The following SLC8A1 variants were observed in gnomAD, a reference collection of about 807,000 sequenced individuals.
SLC8A1 encodes sodium/calcium exchanger 1.
A neutral mutation model predicts 68.3 loss-of-function variants in SLC8A1; 18 were observed. The ratio of observed to expected loss-of-function variants is 0.26; its 90% CI spans 0.18 to 0.39. The LOEUF (loss-of-function observed/expected upper bound fraction) is 0.39. SLC8A1 is among the 10% of genes least tolerant of loss of function. The pLI is 1.00. For missense variants in SLC8A1, 985 were observed against 1,156.7 expected, an observed-to-expected ratio of 0.85 and a Z score of 2.15; for synonymous variants, 475 against 415.5, an observed-to-expected ratio of 1.14 and a Z score of -1.74.
At chr2:40,509,837 G>T (rs1706602302) in intron 1 of SLC8A1, among the ~76,000 whole-genome samples, 1 of 150,924 alleles carries the variant, frequency 6.6e-6, no homozygotes, top group Non-Finnish European at 1.5e-5. Context: ...TTCCGGTGCA[G>T]TCTCACTCTG....
chr2:40,352,876 C>A (rs781667837), intron 2 of SLC8A1, among the ~76,000 whole-genome samples: 1 of 152,140 alleles, frequency 6.6e-6, no homozygotes, highest in African/African-American at 2.4e-5. Flanking sequence ...TCTCCAGTCA[C>A]GTCTGTATCC....
intron 1 of SLC8A1, among the ~76,000 whole-genome samples, chr2:40,471,528 G>A (rs989483931): frequency 6.6e-6 from 1 of 152,094 alleles, no homozygotes; most frequent in Non-Finnish European, 1.5e-5. Context: ...CTGATCCTAT[G>A]GAGTGAGACA....
At chr2:40,220,397 T>G (rs895653406) in intron 2 of SLC8A1, 1 of 152,222 alleles carries the variant, frequency 6.6e-6, no homozygotes, top group Non-Finnish European at 1.5e-5. Context: ...TGAGTCATGT[T>G]TAAGCTCAAT....
chr2:40,449,867 G>A lies in SLC8A1; in HGVS notation c.-25+2037C>T, dbSNP rs185249411. 5.8e-4 allele frequency among the ~76,000 whole-genome samples: 88 copies of A among 152,156 alleles called. 2 individuals carry two copies. In the East Asian group the frequency reaches 0.012, roughly 21 times the overall value. On this transcript the variant is annotated intron_variant, in intron 1 of 7. Coordinates refer to ENST00000406785, the Ensembl canonical transcript of SLC8A1. ...TCTCTGTTCAGTCCTTTTTGTTGCTGTTGTTTTTCTAGGAATTAATCATTT... is the reference window on the plus strand; with the variant it reads ...TCTCTGTTCAGTCCTTTTTGTTGCTATTGTTTTTCTAGGAATTAATCATTT...
intron 1 of SLC8A1, among the ~76,000 whole-genome samples, chr2:40,503,415 T>C (rs1006062515): frequency 6.6e-6 from 1 of 152,022 alleles, no homozygotes; most frequent in Admixed American, 6.6e-5. Context: ...ACAATTACAC[T>C]GGTGTACTTT....
At chr2:40,334,050 A>G (rs763124886) in intron 2 of SLC8A1, among the ~76,000 whole-genome samples, 1 of 152,166 alleles carries the variant, frequency 6.6e-6, no homozygotes, top group Non-Finnish European at 1.5e-5. Flanking sequence ...TCCATCTCAA[A>G]AACAACAACA....
intron 6 of SLC8A1, among the ~76,000 whole-genome samples, chr2:40,155,051 T>G (rs2044210430): frequency 6.6e-6 from 1 of 152,144 alleles, no homozygotes; most frequent in South Asian, 2.1e-4. Flanking sequence ...GAAATCCCAT[T>G]GGTAACACCC....
intron 2 of SLC8A1, among the ~76,000 whole-genome samples, chr2:40,404,069 T>A (rs984613539): frequency 6.6e-6 from 1 of 150,920 alleles, no homozygotes; most frequent in African/African-American, 2.4e-5. Flanking sequence ...AATTTCAGCA[T>A]TTTTTTTTAA....
At chr2:40,134,327 AGT>A (rs2040071827) in intron 7 of SLC8A1, among the ~76,000 whole-genome samples, 1 of 151,966 alleles carries the variant, frequency 6.6e-6, no homozygotes, top group African/African-American at 2.4e-5. Context: ...CCTGACCTCA[AGT>A]GATCTGCCTG....
intron 2 of SLC8A1, among the ~76,000 whole-genome samples, chr2:40,416,800 T>C (rs1326513593): frequency 6.6e-6 from 1 of 152,006 alleles, no homozygotes; most frequent in East Asian, 2.0e-4. Context: ...CTCTATTTTA[T>C]TAGGTTGGTG....
intron 2 of SLC8A1, among the ~76,000 whole-genome samples, chr2:40,215,643 C>CAAAAAAAAAAAAAAAAAAAAAAAAAA (rs56191722): frequency 1.4e-5 from 1 of 69,926 alleles, no homozygotes; most frequent in African/African-American, 5.7e-5. Context: ...GACTCCGTCT[C>CAAAAAAAAAAAAAAAAAAAAAAAAAA]AAAAAAAAAA....
intron 2 of SLC8A1, among the ~76,000 whole-genome samples, chr2:40,297,029 A>C (rs1220322420): frequency 6.6e-6 from 1 of 151,856 alleles, no homozygotes; most frequent in East Asian, 1.9e-4. Flanking sequence ...TGTGACTATA[A>C]TTAATTTTTT....
intron 2 of SLC8A1, among the ~76,000 whole-genome samples, chr2:40,229,731 C>A (rs2059416645): frequency 6.6e-6 from 1 of 152,176 alleles, no homozygotes; most frequent in African/African-American, 2.4e-5. Flanking sequence ...GCTTCTGGAA[C>A]TAGCCAGGCA....
intron 6 of SLC8A1, among the ~76,000 whole-genome samples, chr2:40,160,123 G>A (rs919188262): frequency 3.3e-5 from 5 of 152,136 alleles, no homozygotes; most frequent in African/African-American, 1.2e-4. Flanking sequence ...ATCACACAAA[G>A]AGTGGACAGG....
rs2042829009 is a variant in SLC8A1, at chr2:40,148,306, A to T, written c.2162-8630T>A. ...TATTTCAGCCTCATTGGGAAGTGGG[A>T]TTCTCCTCATTTTGGTGGCAAACAT... On this transcript the variant is annotated intron_variant, in intron 6 of 7. Transcript: ENST00000406785. 3.3e-5 allele frequency among the ~76,000 whole-genome samples: 5 copies of T among 152,152 alleles called. No individual in the cohort carries two copies. In the South Asian group the frequency reaches 1.0e-3, roughly 32 times the overall value.
At chr2:40,372,102 A>G (rs1678298842) in intron 2 of SLC8A1, among the ~76,000 whole-genome samples, 1 of 152,150 alleles carries the variant, frequency 6.6e-6, no homozygotes, top group African/African-American at 2.4e-5. Context: ...AGGAAAGATT[A>G]GATAGCTTGC....
At chr2:40,134,471 T>C (rs1175606003) in intron 7 of SLC8A1, among the ~76,000 whole-genome samples, 1 of 151,964 alleles carries the variant, frequency 6.6e-6, no homozygotes, top group Non-Finnish European at 1.5e-5. Context: ...ATGAAGAAAA[T>C]ACCAAAAAAA....
chr2:40,399,896 C>T (rs1023333091), intron 2 of SLC8A1, among the ~76,000 whole-genome samples: 5 of 152,148 alleles, frequency 3.3e-5, no homozygotes, highest in Non-Finnish European at 4.4e-5. Context: ...ATGAAATCCA[C>T]AAGCAGACCG....
At chr2:40,423,263 T>C (rs1695991188) in intron 2 of SLC8A1, among the ~76,000 whole-genome samples, 1 of 152,088 alleles carries the variant, frequency 6.6e-6, no homozygotes, top group Admixed American at 6.6e-5. Flanking sequence ...CCTTTTAAAT[T>C]ATGCTTTTGT....
Sources: gnomAD v4.1 joint callset for allele counts (sites outside exome capture counted in the v4.1 genomes callset) on GRCh38, gnomAD v4.1.1 for gene constraint, MANE v1.5 for transcripts, NCBI Gene and HGNC (gene_info 2026-07-23, HGNC 2026-07-21) for gene names.